The following OR2L13 variants were observed in gnomAD, a reference collection of about 807,000 sequenced individuals.
The protein encoded by OR2L13 is olfactory receptor 2L13.
In OR2L13, 14 loss-of-function variants were observed where a neutral mutation model predicts 15.3. That is an observed-to-expected ratio of 0.91 (90% confidence interval 0.60 to 1.43). OR2L13 has a LOEUF of 1.43. Ranked by LOEUF, OR2L13 falls within the 40% of genes most tolerant of loss-of-function variation. The pLI, the probability that OR2L13 is intolerant of heterozygous loss-of-function variation, is 0.00. For synonymous variants in OR2L13, 152 were observed against 142.9 expected (o/e 1.06, Z -0.45); for missense variants, 367 against 387.9 (o/e 0.95, Z 0.45).
At chr1:247,938,455 C>A in the OR2L13 span, among the ~76,000 whole-genome samples, 5 of 152,218 alleles carry the variant, frequency 3.3e-5, no homozygotes, top group East Asian at 9.7e-4. Flanking sequence ...AAGAGAAAGT[C>A]ATTCTGCTGA....
chr1:247,956,179 A>C, the OR2L13 span, among the ~76,000 whole-genome samples: 2 of 151,312 alleles, frequency 1.3e-5, no homozygotes, highest in Admixed American at 6.6e-5. Flanking sequence ...CAGTTTTCCC[A>C]GCACCATTTA....
chr1:248,037,425 C>T, the OR2L13 span, among the ~76,000 whole-genome samples: 3 of 152,166 alleles, frequency 2.0e-5, no homozygotes, highest in South Asian at 2.1e-4. Context: ...CCTTCCCATG[C>T]GTATGTTTTA....
chr1:248,039,320 A>C, the OR2L13 span: 1 of 957,346 alleles, frequency 1.0e-6, no homozygotes, highest in Non-Finnish European at 1.5e-6. Flanking sequence ...TTAATCTAGA[A>C]GAAATTTGTC....
At chr1:248,090,289 G>A (rs898413321), upstream of OR2L13, among the ~76,000 whole-genome samples, 6 of 151,340 alleles carry the variant, frequency 4.0e-5, no homozygotes, top group East Asian at 1.9e-4. Context: ...GAACCCTTTC[G>A]TTTAGTATGT....
At chr1:248,027,510 C>A in the OR2L13 span, among the ~76,000 whole-genome samples, 1 of 152,092 alleles carries the variant, frequency 6.6e-6, no homozygotes, top group South Asian at 2.1e-4. Context: ...TTTTACAGTT[C>A]GGGGGCACCA....
chr1:248,005,283 A>G, the OR2L13 span, among the ~76,000 whole-genome samples: 51 of 152,162 alleles, frequency 3.4e-4, no homozygotes, highest in African/African-American at 1.2e-3. Context: ...CCTTTATCAA[A>G]ACATCACATA....
At chr1:248,073,058 G>A in the OR2L13 span, among the ~76,000 whole-genome samples, 1 of 151,590 alleles carries the variant, frequency 6.6e-6, no homozygotes, top group African/African-American at 2.4e-5. Flanking sequence ...CATTGTGGAA[G>A]TCAGTGTGGC....
chr1:248,004,956 A>T, the OR2L13 span, among the ~76,000 whole-genome samples: 4 of 152,164 alleles, frequency 2.6e-5, no homozygotes, highest in Non-Finnish European at 5.9e-5. Flanking sequence ...GTGGGAGCTA[A>T]AATTTTTAAA....
the OR2L13 span, chr1:247,948,841 G>T: frequency 6.3e-7 from 1 of 1,581,750 alleles, no homozygotes; most frequent in African/African-American, 1.3e-5. Context: ...CTTCCGAATG[G>T]ATTGTAGGAA....
the OR2L13 span, among the ~76,000 whole-genome samples, chr1:247,960,443 G>A: frequency 1.3e-5 from 2 of 152,192 alleles, no homozygotes; most frequent in Non-Finnish European, 2.9e-5. Context: ...TGCATGCTGG[G>A]AGAACCACTA....
chr1:247,981,838 C>A, the OR2L13 span, among the ~76,000 whole-genome samples: 3 of 148,502 alleles, frequency 2.0e-5, no homozygotes, highest in African/African-American at 7.5e-5. Flanking sequence ...TTTTTTGAGA[C>A]GGAGTCTCGC....
At chr1:248,014,569 G>A in the OR2L13 span, among the ~76,000 whole-genome samples, 1 of 152,172 alleles carries the variant, frequency 6.6e-6, no homozygotes, top group Non-Finnish European at 1.5e-5. Flanking sequence ...TTGTAAGAAG[G>A]AAATGAGCAT....
At chr1:248,004,608 C>G in the OR2L13 span, among the ~76,000 whole-genome samples, 707 of 152,230 alleles carry the variant, frequency 4.6e-3, 6 homozygotes, top group African/African-American at 0.016. Flanking sequence ...GTCCTGATAC[C>G]ACGCTGGATG....
At chr1:247,993,789 GAGAGAGAGAGAGAGAGAGAGAGAAAGAA>G in the OR2L13 span, among the ~76,000 whole-genome samples, 5 of 137,802 alleles carry the variant, frequency 3.6e-5, no homozygotes, top group African/African-American at 1.7e-4. Context: ...GAGAGAGAGA[GAGAGAGAGAGAGAGAGAGAGAGAAAGAA>G]AGAGAAAGAA....
the OR2L13 span, chr1:248,003,011 A>G: frequency 1.5e-6 from 1 of 650,918 alleles, no homozygotes; most frequent in East Asian, 2.6e-5. Context: ...GCTATTTATT[A>G]TAGCCTCAAT....
At chr1:248,027,108 A>C in the OR2L13 span, among the ~76,000 whole-genome samples, 1 of 152,194 alleles carries the variant, frequency 6.6e-6, no homozygotes, top group African/African-American at 2.4e-5. Flanking sequence ...CAGCCCTGAG[A>C]AAGAGAATGA....
chr1:248,057,595 C>T, the OR2L13 span, among the ~76,000 whole-genome samples: 593 of 152,258 alleles, frequency 3.9e-3, 5 homozygotes, highest in Non-Finnish European at 3.8e-3. Context: ...TTGTTGACAT[C>T]TTAACAGTAT....
At chr1:247,980,573 C>T in the OR2L13 span, among the ~76,000 whole-genome samples, 13 of 152,150 alleles carry the variant, frequency 8.5e-5, no homozygotes, top group South Asian at 6.2e-4. Flanking sequence ...TTACCTTTGA[C>T]GTGACTTGAA....
the OR2L13 span, among the ~76,000 whole-genome samples, chr1:247,973,976 C>T: frequency 5.9e-5 from 9 of 152,144 alleles, no homozygotes; most frequent in African/African-American, 1.9e-4. Context: ...GACACAGACA[C>T]ACGTATGTTT....
Sources: allele counts gnomAD v4.1 joint callset (sites outside exome capture counted in the v4.1 genomes callset), GRCh38; gene constraint gnomAD v4.1.1; transcripts MANE v1.5; gene names NCBI Gene and HGNC (gene_info 2026-07-23, HGNC 2026-07-21).